The following BBS9 variants were observed in gnomAD, a reference collection of about 807,000 sequenced individuals.
The protein encoded by BBS9 is Bardet-Biedl syndrome 9.
In BBS9, 89 loss-of-function variants were observed where a neutral mutation model predicts 117.7. The ratio of observed to expected loss-of-function variants is 0.76; its 90% CI spans 0.64 to 0.90. The LOEUF (loss-of-function observed/expected upper bound fraction) is 0.90. Ranked by LOEUF, BBS9 falls within the 40% of genes least tolerant of loss-of-function variation. The pLI is 0.00. For synonymous variants in BBS9, 379 were observed against 370.9 expected, an observed-to-expected ratio of 1.02 and a Z score of -0.25; for missense variants, 982 against 1,042.2, an observed-to-expected ratio of 0.94 and a Z score of 0.80.
chr7:33,286,835 G>A (rs1254471819), intron 9 of BBS9, among the ~76,000 whole-genome samples: 1 of 151,904 alleles, frequency 6.6e-6, no homozygotes. Flanking sequence ...AAAAATCTGA[G>A]TTATCACCAG....
At chr7:33,248,861 C>G (rs1018267085) in intron 5 of BBS9, among the ~76,000 whole-genome samples, 2 of 152,092 alleles carry the variant, frequency 1.3e-5, no homozygotes, top group Non-Finnish European at 2.9e-5. Flanking sequence ...ACCTATACAG[C>G]TGTTTTTTGT....
chr7:33,414,474 G>A (rs1362587381), intron 19 of BBS9, among the ~76,000 whole-genome samples: 1 of 152,032 alleles, frequency 6.6e-6, no homozygotes, highest in Non-Finnish European at 1.5e-5. Flanking sequence ...AAATGGAAAA[G>A]CACCCATAGT....
At chr7:33,580,960 T>G (rs924159025) in intron 21 of BBS9, among the ~76,000 whole-genome samples, 2 of 152,128 alleles carry the variant, frequency 1.3e-5, no homozygotes, top group African/African-American at 4.8e-5. Context: ...AAAGGTTGTT[T>G]TGAACATTGG....
rs766263443 is a variant in BBS9, at chr7:33,494,358, C to T, written c.2116-11105C>T. 5.9e-5 allele frequency among the ~76,000 whole-genome samples: 9 copies of T among 152,216 alleles called. No homozygotes were observed. The South Asian group carries it at 1.2e-3, about 21-fold the overall frequency. On this transcript the variant is annotated intron_variant, in intron 19 of 22. Coordinates refer to ENST00000242067, the MANE Select transcript of BBS9 (RefSeq NM_198428.3). ...TGCTCTAGAGTGCACTTAAAACTGA[C>T]GCACATGCTTGCATGATATGACTCT...
intron 20 of BBS9, among the ~76,000 whole-genome samples, chr7:33,516,102 G>C (rs1048127757): frequency 6.6e-6 from 1 of 152,172 alleles, no homozygotes; most frequent in Non-Finnish European, 1.5e-5. Flanking sequence ...GAAAACTATA[G>C]CATGACCGGA....
intron 21 of BBS9, among the ~76,000 whole-genome samples, chr7:33,599,711 G>C (rs974907021): frequency 6.6e-6 from 1 of 152,014 alleles, no homozygotes; most frequent in Admixed American, 6.6e-5. Flanking sequence ...ATAATTTCAC[G>C]AGTTAGTTTT....
At chr7:33,551,246 A>G (rs1387898362) in intron 21 of BBS9, among the ~76,000 whole-genome samples, 1 of 152,186 alleles carries the variant, frequency 6.6e-6, no homozygotes, top group East Asian at 1.9e-4. Flanking sequence ...GACTGCCGCT[A>G]TAGTTATGAG....
intron 7 of BBS9, among the ~76,000 whole-genome samples, chr7:33,265,464 C>CTT (rs923181140): frequency 6.6e-6 from 1 of 151,374 alleles, no homozygotes; most frequent in Non-Finnish European, 1.5e-5. Flanking sequence ...GAGAGCTTTA[C>CTT]TTTTTTTTTG....
intron 7 of BBS9, among the ~76,000 whole-genome samples, chr7:33,267,034 C>T (rs1287000694): frequency 2.0e-5 from 3 of 152,120 alleles, no homozygotes; most frequent in East Asian, 3.9e-4. Flanking sequence ...TGAGCCACCA[C>T]GCCTGGCATA....
chr7:33,290,059 A>AT (rs1488244490), intron 9 of BBS9, among the ~76,000 whole-genome samples: 23 of 133,130 alleles, frequency 1.7e-4, no homozygotes, highest in African/African-American at 6.6e-4. Context: ...AAAAAAAAAA[A>AT]TTTTTTTAGA....
intron 9 of BBS9, among the ~76,000 whole-genome samples, chr7:33,283,762 A>AT (rs1802349627): frequency 6.6e-6 from 1 of 151,872 alleles, no homozygotes; most frequent in South Asian, 2.1e-4. Flanking sequence ...ACAGTTACTC[A>AT]TTTTTTAAAT....
chr7:33,394,781 G>T (rs1252978193), intron 19 of BBS9, among the ~76,000 whole-genome samples: 1 of 152,136 alleles, frequency 6.6e-6, no homozygotes, highest in East Asian at 1.9e-4. Flanking sequence ...TAGGAGAAAA[G>T]AAAGGAAATT....
At chr7:33,575,015 G>T (rs1173551417) in intron 21 of BBS9, among the ~76,000 whole-genome samples, 1 of 151,900 alleles carries the variant, frequency 6.6e-6, no homozygotes, top group Non-Finnish European at 1.5e-5. Flanking sequence ...CTTTTATCTG[G>T]CTTCTACTAT....
intron 19 of BBS9, among the ~76,000 whole-genome samples, chr7:33,444,045 C>T (rs78114808): frequency 0.011 from 1,740 of 152,302 alleles, 36 homozygotes; most frequent in African/African-American, 0.039. Flanking sequence ...TTCTTTCCCC[C>T]TGAGGCAACC....
chr7:33,448,059 C>CGCAG (rs989989779), intron 19 of BBS9, among the ~76,000 whole-genome samples: 59 of 152,206 alleles, frequency 3.9e-4, no homozygotes, highest in African/African-American at 1.3e-3. Context: ...GGATGTGTTC[C>CGCAG]GCAGTTCTGG....
chr7:33,157,351 T>A (rs896472753), intron 4 of BBS9, among the ~76,000 whole-genome samples: 3 of 152,252 alleles, frequency 2.0e-5, no homozygotes, highest in African/African-American at 7.2e-5. Flanking sequence ...TTATTTGCTA[T>A]GGGAATGGTG....
intron 21 of BBS9, among the ~76,000 whole-genome samples, chr7:33,565,780 A>AGTGTAT (rs1348702101): frequency 7.6e-5 from 4 of 52,872 alleles, no homozygotes; most frequent in Non-Finnish European, 6.7e-5. Flanking sequence ...GGCTATCAGT[A>AGTGTAT]GTATATATAT....
chr7:33,528,624 T>G (rs1333016566), intron 20 of BBS9, among the ~76,000 whole-genome samples: 1 of 152,222 alleles, frequency 6.6e-6, no homozygotes, highest in Non-Finnish European at 1.5e-5. Context: ...CTCTTCCACT[T>G]AAGATTTCAG....
At chr7:33,272,455 G>A (rs1405750030) in intron 7 of BBS9, among the ~76,000 whole-genome samples, 1 of 152,078 alleles carries the variant, frequency 6.6e-6, no homozygotes, top group East Asian at 1.9e-4. Flanking sequence ...ATATTGTATG[G>A]AAGATGAATC....
Sources: allele counts gnomAD v4.1 joint callset (sites outside exome capture counted in the v4.1 genomes callset), GRCh38; gene constraint gnomAD v4.1.1; transcripts MANE v1.5; gene names NCBI Gene and HGNC (gene_info 2026-07-23, HGNC 2026-07-21).